Variants in WDR62 observed in about 807,000 individuals in gnomAD.
The protein encoded by WDR62 is WD repeat domain 62.
In WDR62, 112 loss-of-function variants were observed where a neutral mutation model predicts 160.6. The ratio of observed to expected loss-of-function variants is 0.70; its 90% CI spans 0.60 to 0.82. The LOEUF is 0.82. Among genes scored for constraint, WDR62 ranks in the 40% least tolerant of loss-of-function variants. The pLI is 0.00. For missense variants in WDR62, 1,819 were observed against 1,983.8 expected (o/e 0.92, Z 1.58); for synonymous variants, 792 against 815.1 (o/e 0.97, Z 0.48).
At chr19:36,081,664 G>C in intron 10 of WDR62, 94 bp downstream of exon 10, 1 of 1,546,136 alleles carries the variant, frequency 6.5e-7, no homozygotes, top group Non-Finnish European at 8.9e-7. Flanking sequence ...ATGGACCCTA[G>C]ATGTTAGGTT....
chr19:36,088,569 C>CT (rs1239925185), intron 13 of WDR62, among the ~76,000 whole-genome samples: 1 of 152,228 alleles, frequency 6.6e-6, no homozygotes, highest in Non-Finnish European at 1.5e-5. Context: ...CTGTGAACCT[C>CT]TGTGTTCATG....
At chr19:36,096,773 A>T (rs1424637682) in intron 20 of WDR62, among the ~76,000 whole-genome samples, 2 of 151,706 alleles carry the variant, frequency 1.3e-5, no homozygotes, top group African/African-American at 4.8e-5. Flanking sequence ...CCCACCCTGC[A>T]TTGCATTAGG....
chr19:36,110,100 T>C (rs1290726513), downstream of WDR62, among the ~76,000 whole-genome samples: 1 of 151,866 alleles, frequency 6.6e-6, no homozygotes, highest in East Asian at 1.9e-4. Flanking sequence ...TTCTTAGTCT[T>C]CTGGCTAAGA....
rs765514451 is a variant in WDR62 at position 36,083,183 on chromosome 19, A to G, written c.1492A>G (p.Met498Val). Reference protein sequence around the residue: ...PMDVKAGVRVMQVSPDGQHLA... With the variant: ...PMDVKAGVRVVQVSPDGQHLA... ...GGACGTGAAAGCCGGGGTGCGGGTC[A>G]TGCAGGTCAGTCCTGACGGCCAGCA... The change falls in exon 11 of 32, where the codon ATG (methionine) becomes GTG (valine). Residue 498 changes from methionine to valine, a missense_variant. Around this residue, in one of 3 missense-constraint regions of WDR62, gnomAD observed 934 missense variants for 1,157.2 expected, o/e 0.81. Transcript: ENST00000401500. 2 of 1,611,950 alleles carry G rather than the reference A, an allele frequency of 1.2e-6. No individual in the cohort carries two copies. Among genetic ancestry groups the G allele is most frequent in the South Asian group, 2.2e-5 (2 of 90,572 alleles).
intron 9 of WDR62, among the ~76,000 whole-genome samples, chr19:36,077,276 C>CTTTTT (rs71167590): frequency 3.4e-5 from 3 of 87,142 alleles, no homozygotes; most frequent in African/African-American, 9.6e-5. Flanking sequence ...TCCTTCCTTC[C>CTTTTT]TTTTTTTTTT....
intron 18 of WDR62, among the ~76,000 whole-genome samples, chr19:36,091,915 C>A (rs1229763669): frequency 6.6e-6 from 1 of 151,876 alleles, no homozygotes; most frequent in Non-Finnish European, 1.5e-5. Flanking sequence ...AAACATATCC[C>A]AGCTCTGCCA....
At chr19:36,084,589 C>A (rs921768657) in intron 11 of WDR62, 64 bp from the exon 12 acceptor site, 36 of 1,518,588 alleles carry the variant, frequency 2.4e-5, no homozygotes, top group Non-Finnish European at 3.0e-5. Context: ...CTGACCTATT[C>A]TAGAAGTGGT....
At position 36,104,995 on chromosome 19, in the gene WDR62, G is replaced by A; in HGVS notation, c.4539G>A (p.Val1513=). The change falls in exon 32 of 32, where the codon GTG becomes GTA. Residue 1513 remains valine (V), a synonymous_variant. Coordinates refer to ENST00000401500, the MANE Select transcript of WDR62 (RefSeq NM_001083961.2). The part of the protein sequence containing the change: ...ALLEHYSELL[V]QAVRRKARGH The stretch of plus-strand genomic sequence containing the variant: ...TGGAACACTACTCGGAGCTGCTGGT[G>A]CAGGCCGTGCGGAGGAAGGCACGGG... The A allele has an allele frequency of 6.2e-7, 1 of 1,601,868 alleles. No individual in the cohort carries two copies. Among genetic ancestry groups the A allele is most frequent in the Non-Finnish European group, 8.5e-7 (1 of 1,177,398 alleles).
At chr19:36,084,129 G>A (rs1466421619) in intron 11 of WDR62, among the ~76,000 whole-genome samples, 1 of 152,146 alleles carries the variant, frequency 6.6e-6, no homozygotes, top group Non-Finnish European at 1.5e-5. Context: ...CCTGATGTAA[G>A]TGATGTTATT....
In WDR62 at chr19:36,066,247, C is replaced by A; in HGVS notation, c.391-10C>A. On this transcript the variant is annotated splice_polypyrimidine_tract_variant and intron_variant, in intron 4 of 31. Transcript: ENST00000401500. Reference sequence around the variant, plus strand: ...GAGCCCAGCAGCAGTAACGACCCCACCTTCCCTAGAATGGGCATAGGCCTG... The same window carrying A: ...GAGCCCAGCAGCAGTAACGACCCCAACTTCCCTAGAATGGGCATAGGCCTG... 2.5e-6 allele frequency: 4 copies of A among 1,614,108 alleles called. No homozygotes were observed. Among genetic ancestry groups the A allele is most frequent in the Non-Finnish European group, 2.5e-6 (3 of 1,180,032 alleles).
Position 36,101,996 on chromosome 19 carries a change from C to T in WDR62, c.3083-18C>T. On this transcript the variant is annotated intron_variant, in intron 25 of 31. Transcript: ENST00000401500. ...CATGGTGTTGGCTCCTCTTGTCCCT[C>T]CCCTCCTTCCCTGTCAGGATGCGCA... 6.2e-7 allele frequency: 1 copy of T among 1,614,018 alleles called. No homozygotes were observed. Among genetic ancestry groups the T allele is most frequent in the African/African-American group, 1.3e-5 (1 of 75,044 alleles).
At chr19:36,093,205 C>T (rs992702436) in intron 19 of WDR62, among the ~76,000 whole-genome samples, 1 of 152,100 alleles carries the variant, frequency 6.6e-6, no homozygotes, top group African/African-American at 2.4e-5. Context: ...TGGGGGATGC[C>T]CCAAGCGGCT....
chr19:36,070,437 CTT>C (rs1434009687), intron 7 of WDR62: 2 of 152,148 alleles, frequency 1.3e-5, no homozygotes, highest in Non-Finnish European at 2.9e-5. Flanking sequence ...CGGCCATAAA[CTT>C]TTAAACTAAA....
At chr19:36,094,005 C>T in intron 19 of WDR62, 26 bp from the exon 20 acceptor site, 1 of 1,613,186 alleles carries the variant, frequency 6.2e-7, no homozygotes. Flanking sequence ...GTATTCTCTC[C>T]TTACCATCCT....
chr19:36,055,039 C>T lies in WDR62; in HGVS notation c.68C>T (p.Ala23Val). The part of the protein sequence containing the change: ...DAGEKLPSVM[A>V]GVPARRGQSS... ...GGGGAGAAGCTGCCCTCTGTCATGG[C>T]GGGAGTTCCGGCGCGGAGGGGCCAG... The change falls in exon 1 of 32, where the codon GCG becomes GTG. Residue 23 changes from alanine (A) to valine (V), a missense_variant. Physicochemically the swap from Ala to Val is moderately conservative, Grantham distance 64. Around this residue, in one of 3 missense-constraint regions of WDR62, gnomAD observed 115 missense variants for 92.4 expected, o/e 1.24. Coordinates refer to ENST00000401500, the MANE Select transcript of WDR62 (RefSeq NM_001083961.2). 6.3e-7 allele frequency: 1 copy of T among 1,595,316 alleles called. No individual in the cohort carries two copies. Among genetic ancestry groups the T allele is most frequent in the Non-Finnish European group, 8.5e-7 (1 of 1,172,064 alleles).
At chr19:36,107,741 A>C (rs950956574), downstream of WDR62, among the ~76,000 whole-genome samples, 4 of 152,136 alleles carry the variant, frequency 2.6e-5, no homozygotes, top group Admixed American at 1.3e-4. Flanking sequence ...GCTGGTAATC[A>C]GAGAGGATCC....
chr19:36,066,177 A>G, intron 4 of WDR62, 80 bp from the exon 5 acceptor site: 1 of 1,604,056 alleles, frequency 6.2e-7, no homozygotes, highest in Non-Finnish European at 8.5e-7. Flanking sequence ...ATCCTGTGGC[A>G]ATGCCATCTT....
intron 2 of WDR62, chr19:36,059,184 A>G: frequency 2.0e-6 from 1 of 511,564 alleles, no homozygotes; most frequent in Non-Finnish European, 3.9e-6. Context: ...CAGCTCTGCC[A>G]TGTATGCTGC....
chr19:36,060,096 C>T, intron 3 of WDR62, 66 bp downstream of exon 3: 3 of 1,508,754 alleles, frequency 2.0e-6, no homozygotes, highest in Non-Finnish European at 2.8e-6. Flanking sequence ...CCCTCCCCTA[C>T]ACAGCCTGGA....
Sources: allele counts gnomAD v4.1 joint callset (sites outside exome capture counted in the v4.1 genomes callset), GRCh38; gene constraint gnomAD v4.1.1; regional missense constraint gnomAD v4.1.1; transcripts MANE v1.5; gene names NCBI Gene and HGNC (gene_info 2026-07-23, HGNC 2026-07-21).